Variants in GLRA1 observed in about 807,000 individuals in gnomAD.
The protein encoded by GLRA1 is glycine receptor subunit alpha-1.
Under a neutral mutation model 48.3 loss-of-function variants are expected in GLRA1, and 37 were observed. The observed-to-expected ratio is 0.77, with a 90% CI of 0.59 to 1.01. GLRA1 has a LOEUF of 1.01. GLRA1 is among the 50% of genes least tolerant of loss of function. GLRA1 has a pLI of 0.00. For missense variants in GLRA1, 427 were observed against 571.0 expected (o/e 0.75, Z 2.57); for synonymous variants, 196 against 210.7 (o/e 0.93, Z 0.60).
At chr5:151,883,107 T>C (rs1291204893) in intron 3 of GLRA1, among the ~76,000 whole-genome samples, 6 of 152,312 alleles carry the variant, frequency 3.9e-5, no homozygotes, top group African/African-American at 1.4e-4. Context: ...TGCCCTACTT[T>C]GGATTAATTT....
chr5:151,897,033 G>T (rs1006313311), intron 1 of GLRA1, among the ~76,000 whole-genome samples: 1 of 152,116 alleles, frequency 6.6e-6, no homozygotes, highest in African/African-American at 2.4e-5. Context: ...AAGAGAATTG[G>T]TTCAATAATG....
intron 7 of GLRA1, among the ~76,000 whole-genome samples, chr5:151,840,217 C>G (rs934363587): frequency 6.6e-6 from 1 of 151,984 alleles, no homozygotes. Context: ...CCTCAGCCTC[C>G]CAAGTAGCTA....
chr5:151,838,362 G>C (rs4555782), intron 7 of GLRA1, among the ~76,000 whole-genome samples: 6 of 151,936 alleles, frequency 3.9e-5, no homozygotes, highest in African/African-American at 9.7e-5. Flanking sequence ...CCAGCTACTC[G>C]GGAGGCTAAG....
chr5:151,896,021 A>T (rs998158162), intron 1 of GLRA1, among the ~76,000 whole-genome samples: 1 of 152,186 alleles, frequency 6.6e-6, no homozygotes, highest in African/African-American at 2.4e-5. Flanking sequence ...AGCACAAGCG[A>T]TCTCTTCGCC....
chr5:151,892,919 G>T (rs1172585272), intron 1 of GLRA1, among the ~76,000 whole-genome samples: 1 of 152,182 alleles, frequency 6.6e-6, no homozygotes, highest in African/African-American at 2.4e-5. Context: ...GCTAAAGTCA[G>T]ATGCATTCTG....
chr5:151,837,651 T>C (rs535725261), intron 7 of GLRA1, among the ~76,000 whole-genome samples: 1 of 152,328 alleles, frequency 6.6e-6, no homozygotes, highest in Non-Finnish European at 1.5e-5. Context: ...TGAGTTCATG[T>C]CCTTTGTGGG....
At chr5:151,853,065 G>A (rs1363935736) in intron 6 of GLRA1, among the ~76,000 whole-genome samples, 1 of 152,150 alleles carries the variant, frequency 6.6e-6, no homozygotes, top group East Asian at 1.9e-4. Flanking sequence ...GCCAAAAGTA[G>A]CATGGTGGTT....
chr5:151,892,692 C>T (rs1754110190), intron 1 of GLRA1, among the ~76,000 whole-genome samples: 4 of 152,186 alleles, frequency 2.6e-5, no homozygotes. Context: ...TTTAAGGCTT[C>T]ATCTCTGGGA....
intron 1 of GLRA1, among the ~76,000 whole-genome samples, chr5:151,899,218 G>A (rs1754305481): frequency 6.6e-6 from 1 of 152,158 alleles, no homozygotes; most frequent in East Asian, 1.9e-4. Flanking sequence ...GAAATTATAA[G>A]AGGCTGCCAC....
chr5:151,827,001 C>T (rs1030190304), intron 8 of GLRA1, among the ~76,000 whole-genome samples: 4 of 147,718 alleles, frequency 2.7e-5, no homozygotes, highest in South Asian at 2.1e-4. Flanking sequence ...GAGATACTTA[C>T]GTTTGGTCAG....
intron 7 of GLRA1, among the ~76,000 whole-genome samples, chr5:151,831,653 G>C (rs1763429055): frequency 6.6e-6 from 1 of 152,224 alleles, no homozygotes; most frequent in Admixed American, 6.5e-5. Context: ...GCTCCAGTCA[G>C]GGGCTTATAG....
chr5:151,877,155 A>G (rs1424101061), intron 3 of GLRA1, among the ~76,000 whole-genome samples: 2 of 152,214 alleles, frequency 1.3e-5, no homozygotes, highest in African/African-American at 2.4e-5. Context: ...CACTAATACA[A>G]CAGTGTTCAA....
intron 7 of GLRA1, among the ~76,000 whole-genome samples, chr5:151,830,111 C>G (rs1028257092): frequency 6.6e-6 from 1 of 152,206 alleles, no homozygotes; most frequent in African/African-American, 2.4e-5. Context: ...CTGTCATAAT[C>G]TATCCAGCTC....
At chr5:151,833,782 A>C (rs1364464143) in intron 7 of GLRA1, among the ~76,000 whole-genome samples, 1 of 140,716 alleles carries the variant, frequency 7.1e-6, no homozygotes. Flanking sequence ...GATATTTACC[A>C]AGGAAGTGGA....
chr5:151,887,566 A>G (rs577309083), intron 2 of GLRA1, among the ~76,000 whole-genome samples: 6 of 152,340 alleles, frequency 3.9e-5, no homozygotes, highest in Admixed American at 1.3e-4. Flanking sequence ...ACAGGAGAGA[A>G]AACAGAGGCT....
chr5:151,900,222 C>T (rs550679138), intron 1 of GLRA1, among the ~76,000 whole-genome samples: 3 of 152,170 alleles, frequency 2.0e-5, no homozygotes, highest in South Asian at 4.2e-4. Context: ...AAATGCCAAC[C>T]CTGCACTTGC....
intron 3 of GLRA1, among the ~76,000 whole-genome samples, chr5:151,884,213 G>A (rs565081583): frequency 3.9e-5 from 6 of 152,264 alleles, no homozygotes; most frequent in South Asian, 2.1e-4. Context: ...TGGATCACAT[G>A]AGGCCAGGAG....
Position 151,875,974 on chromosome 5 carries a change from A to C in GLRA1, c.252+10747T>G, listed in dbSNP as rs77956167. 6.5e-3 allele frequency among the ~76,000 whole-genome samples: 993 copies of C among 152,350 alleles called. 11 individuals carry two copies. Among genetic ancestry groups the C allele is most frequent in the African/African-American group, 0.022 (926 of 41,582 alleles). On this transcript the variant is annotated intron_variant, in intron 3 of 8. Coordinates refer to ENST00000274576, the MANE Select transcript of GLRA1 (RefSeq NM_000171.4). ...TATCTATAAAATGGGATTGTTGTAC[A>C]TGAAATAATTCCCATAATTCACTAA...
chr5:151,824,348 G>A (rs1475316195), intron 8 of GLRA1, among the ~76,000 whole-genome samples: 4 of 151,644 alleles, frequency 2.6e-5, no homozygotes, highest in Non-Finnish European at 4.4e-5. Flanking sequence ...CATCTGAGTC[G>A]TTATAACACA....
Sources: gnomAD v4.1 joint callset for allele counts (sites outside exome capture counted in the v4.1 genomes callset) on GRCh38, gnomAD v4.1.1 for gene constraint, MANE v1.5 for transcripts, NCBI Gene and HGNC (gene_info 2026-07-23, HGNC 2026-07-21) for gene names.